The following KLHL2 variants were observed in gnomAD, a reference collection of about 807,000 sequenced individuals.
KLHL2 encodes kelch-like protein 2.
Under a neutral mutation model 75.8 loss-of-function variants are expected in KLHL2, and 15 were observed. The observed-to-expected ratio is 0.20, with a 90% CI of 0.13 to 0.30. The LOEUF (loss-of-function observed/expected upper bound fraction) is 0.30. Ranked by LOEUF, KLHL2 falls within the 10% of genes least tolerant of loss-of-function variation. The probability of loss-of-function intolerance (pLI) is 1.00; values close to 1 mark genes in which losing one functional copy is unlikely to be tolerated. For missense variants in KLHL2, 381 were observed against 741.0 expected, an observed-to-expected ratio of 0.51 and a Z score of 5.64; for synonymous variants, 214 against 251.9, an observed-to-expected ratio of 0.85 and a Z score of 1.42.
At chr4:165,245,839 A>G (rs912660896) in intron 4 of KLHL2, among the ~76,000 whole-genome samples, 1 of 152,104 alleles carries the variant, frequency 6.6e-6, no homozygotes, top group Non-Finnish European at 1.5e-5. Flanking sequence ...CCTTCCCTAT[A>G]TCTAAGCTGT....
At chr4:165,300,700 G>A (rs1003806993) in intron 8 of KLHL2, among the ~76,000 whole-genome samples, 1 of 151,998 alleles carries the variant, frequency 6.6e-6, no homozygotes, top group East Asian at 1.9e-4. Context: ...TTTTGTGCGT[G>A]GTCTAATCAG....
intron 3 of KLHL2, among the ~76,000 whole-genome samples, chr4:165,235,809 C>T (rs1739299477): frequency 6.6e-6 from 1 of 152,110 alleles, no homozygotes; most frequent in African/African-American, 2.4e-5. Flanking sequence ...GGTGGGGAGA[C>T]AGAGAGGACA....
chr4:165,254,992 T>C (rs1474949099), intron 4 of KLHL2, among the ~76,000 whole-genome samples: 1 of 152,236 alleles, frequency 6.6e-6, no homozygotes. Flanking sequence ...GTCATTGCCA[T>C]GCATTGTGTT....
At chr4:165,226,259 C>G (rs1041797826) in intron 2 of KLHL2, among the ~76,000 whole-genome samples, 1 of 152,224 alleles carries the variant, frequency 6.6e-6, no homozygotes, top group African/African-American at 2.4e-5. Flanking sequence ...TCCAGAGTTT[C>G]TTCGCTCCCA....
At chr4:165,234,718 G>A (rs1739190043) in intron 3 of KLHL2, among the ~76,000 whole-genome samples, 3 of 149,064 alleles carry the variant, frequency 2.0e-5, no homozygotes, top group East Asian at 2.0e-4. Context: ...GGTTTCAAGC[G>A]ATTCTCCTGC....
chr4:165,245,238 A>G lies in KLHL2; in HGVS notation c.381+6339A>G, dbSNP rs1740169722. 1.3e-5 allele frequency among the ~76,000 whole-genome samples: 2 copies of G among 152,160 alleles called. 1 individual carries two copies. The highest frequency in any genetic ancestry group is 4.1e-4 in the South Asian group (2 of 4,826). On this transcript the variant is annotated intron_variant, in intron 4 of 14. Coordinates refer to ENST00000226725, the MANE Select transcript of KLHL2 (RefSeq NM_007246.4). The stretch of plus-strand genomic sequence containing the variant: ...AACAACAACAAAAAAAACTGAGGGT[A>G]GCATGCAGTCCAAACTGAAATGTTT...
intron 4 of KLHL2, among the ~76,000 whole-genome samples, chr4:165,261,044 G>A (rs897569638): frequency 2.6e-5 from 4 of 152,130 alleles, no homozygotes; most frequent in African/African-American, 9.7e-5. Context: ...CTAATTAGAG[G>A]AGTGATCATA....
intron 2 of KLHL2, chr4:165,223,910 T>A (rs1416202341): frequency 4.5e-6 from 2 of 448,942 alleles, no homozygotes; most frequent in African/African-American, 4.0e-5. Flanking sequence ...GTACCCCAGG[T>A]AAGTTTTTTC....
chr4:165,221,797 G>A (rs531172034), intron 2 of KLHL2, among the ~76,000 whole-genome samples: 3 of 152,248 alleles, frequency 2.0e-5, no homozygotes, highest in African/African-American at 7.2e-5. Context: ...TTATTCTTTG[G>A]GAGAATATAT....
intron 5 of KLHL2, among the ~76,000 whole-genome samples, chr4:165,273,461 T>A (rs1222806485): frequency 3.9e-5 from 6 of 152,344 alleles, no homozygotes; most frequent in Admixed American, 3.9e-4. Context: ...TTTGGCTATG[T>A]CCCCACCCAG....
intron 3 of KLHL2, among the ~76,000 whole-genome samples, chr4:165,236,582 T>G (rs1489982953): frequency 6.6e-6 from 1 of 152,194 alleles, no homozygotes; most frequent in Non-Finnish European, 1.5e-5. Flanking sequence ...GTTTAAAGAT[T>G]TCCTCTGAAA....
At chr4:165,264,704 G>GTGTGTATATATATATATATACATATATA (rs1323043527) in intron 5 of KLHL2, among the ~76,000 whole-genome samples, 1 of 82,862 alleles carries the variant, frequency 1.2e-5, no homozygotes, top group Non-Finnish European at 2.2e-5. Context: ...GTGTGTGTGT[G>GTGTGTATATATATATATATACATATATA]TATATATATA....
chr4:165,286,993 T>C (rs1744143602), intron 5 of KLHL2, among the ~76,000 whole-genome samples: 1 of 152,212 alleles, frequency 6.6e-6, no homozygotes, highest in African/African-American at 2.4e-5. Context: ...TTTAAAAATA[T>C]TTGTGTTAAG....
intron 3 of KLHL2, among the ~76,000 whole-genome samples, chr4:165,236,350 C>T (rs1335862561): frequency 3.9e-5 from 6 of 152,152 alleles, no homozygotes; most frequent in Admixed American, 2.6e-4. Flanking sequence ...TAAGGATAAA[C>T]TATGTACAGT....
chr4:165,321,560 A>C (rs1296509540), intron 14 of KLHL2, among the ~76,000 whole-genome samples: 1 of 152,186 alleles, frequency 6.6e-6, no homozygotes, highest in Non-Finnish European at 1.5e-5. Context: ...TAGTAATTAA[A>C]TTATGCGGGA....
chr4:165,299,906 C>T (rs997548825), intron 8 of KLHL2, among the ~76,000 whole-genome samples: 13 of 152,124 alleles, frequency 8.5e-5, no homozygotes, highest in African/African-American at 3.1e-4. Flanking sequence ...CAGAAGACAA[C>T]TGGTTTTTGT....
chr4:165,273,429 A>G (rs1199244880), intron 5 of KLHL2, among the ~76,000 whole-genome samples: 1 of 152,186 alleles, frequency 6.6e-6, no homozygotes, highest in Non-Finnish European at 1.5e-5. Context: ...CCAGAATAAT[A>G]CTATAAAACA....
At chr4:165,215,014 C>T (rs1327279923) in intron 1 of KLHL2, among the ~76,000 whole-genome samples, 1 of 151,930 alleles carries the variant, frequency 6.6e-6, no homozygotes, top group Non-Finnish European at 1.5e-5. Context: ...TCTTACATGT[C>T]TATAGGGCAA....
In KLHL2 at chr4:165,299,615, A is replaced by G; in HGVS notation, c.880A>G (p.Ser294Gly). Reference sequence around the variant, plus strand: ...AACAGAGCAGCGTATATTAATGAAGAGTGTCCGGACCCGGCTGAGGACACC... The same window carrying G: ...AACAGAGCAGCGTATATTAATGAAGGGTGTCCGGACCCGGCTGAGGACACC... ...LPTEQRILMK[S>G]VRTRLRTPMN... The change falls in exon 8 of 15, where the codon AGT becomes GGT. Residue 294 changes from serine (S) to glycine (G), a missense_variant. Around this residue, in one of 5 missense-constraint regions of KLHL2, gnomAD observed 111 missense variants for 150.1 expected, o/e 0.74. Coordinates refer to ENST00000226725, the MANE Select transcript of KLHL2 (RefSeq NM_007246.4). 1 of 1,613,746 alleles carries G rather than the reference A, an allele frequency of 6.2e-7. No homozygotes were observed. Among genetic ancestry groups the G allele is most frequent in the Non-Finnish European group, 8.5e-7 (1 of 1,179,908 alleles).
Sources: allele counts gnomAD v4.1 joint callset (sites outside exome capture counted in the v4.1 genomes callset), GRCh38; gene constraint gnomAD v4.1.1; regional missense constraint gnomAD v4.1.1; transcripts MANE v1.5; gene names NCBI Gene and HGNC (gene_info 2026-07-23, HGNC 2026-07-21).